TULP4: variants seen among roughly 807,000 people sequenced by gnomAD.
TULP4 encodes TUB like protein 4.
TULP4 carries 16 observed loss-of-function variants against 129.0 expected under a neutral mutation model. The observed-to-expected ratio is 0.12, with a 90% CI of 0.08 to 0.19. TULP4 has a LOEUF of 0.19. Among genes scored for constraint, TULP4 ranks in the 10% least tolerant of loss-of-function variants. TULP4 has a pLI of 1.00. For synonymous variants in TULP4, 998 were observed against 854.0 expected (o/e 1.17, Z -2.94); for missense variants, 1,842 against 2,059.1 (o/e 0.89, Z 2.04).
chr6:158,377,045 G>A lies in TULP4; in HGVS notation c.253-36020G>A, dbSNP rs556600107. 2.0e-5 allele frequency among the ~76,000 whole-genome samples: 3 copies of A among 152,354 alleles called. No individual in the cohort carries two copies. The South Asian group carries it at 6.2e-4, about 32-fold the overall frequency. ...GATGTCTTTCTCATTGATCTGGTAT[G>A]TGATATTACATAATATGGGATAGGT... On this transcript the variant is annotated intron_variant, in intron 1 of 13. Transcript: ENST00000367097.
At chr6:158,492,600 C>T (rs1780241862) in intron 9 of TULP4, among the ~76,000 whole-genome samples, 1 of 152,154 alleles carries the variant, frequency 6.6e-6, no homozygotes, top group Non-Finnish European at 1.5e-5. Context: ...TGCCGTCTTC[C>T]TGTGGCTGGA....
At chr6:158,277,944 A>C (rs549175053), upstream of TULP4, among the ~76,000 whole-genome samples, 76 of 152,264 alleles carry the variant, frequency 5.0e-4, no homozygotes, top group African/African-American at 1.8e-3. Flanking sequence ...AGAGAGCATC[A>C]TATCAACTCC....
At chr6:158,259,368 T>C (rs1209338959) in intron 1 of TULP4, among the ~76,000 whole-genome samples, 1 of 152,224 alleles carries the variant, frequency 6.6e-6, no homozygotes, top group East Asian at 1.9e-4. Flanking sequence ...CACTGACTTT[T>C]GAGGTTATGA....
At chr6:158,358,006 C>G (rs776177001) in intron 1 of TULP4, among the ~76,000 whole-genome samples, 4 of 152,156 alleles carry the variant, frequency 2.6e-5, no homozygotes, top group Non-Finnish European at 4.4e-5. Context: ...TGTGTCTGCC[C>G]TGACACATAG....
intron 6 of TULP4, 104 bp downstream of exon 6, chr6:158,461,833 G>C: frequency 7.6e-7 from 1 of 1,314,908 alleles, no homozygotes; most frequent in Non-Finnish European, 1.0e-6. Context: ...TTTTACCTTA[G>C]GTTGTGGTGG....
At chr6:158,292,616 A>G (rs1359300330) in intron 1 of TULP4, among the ~76,000 whole-genome samples, 2 of 152,136 alleles carry the variant, frequency 1.3e-5, no homozygotes, top group Non-Finnish European at 2.9e-5. Flanking sequence ...GTAGTCTTCT[A>G]CCATATAATT....
chr6:158,357,162 C>G (rs138173113), intron 1 of TULP4, among the ~76,000 whole-genome samples: 1 of 152,344 alleles, frequency 6.6e-6, no homozygotes, highest in African/African-American at 2.4e-5. Flanking sequence ...AGCACCCTCT[C>G]TGGATATGCT....
intron 1 of TULP4, among the ~76,000 whole-genome samples, chr6:158,368,668 A>G (rs1008916122): frequency 1.3e-5 from 2 of 152,216 alleles, no homozygotes; most frequent in African/African-American, 4.8e-5. Flanking sequence ...GTCTTAAAAG[A>G]GGAATGGATC....
At position 158,356,679 on chromosome 6, in the gene TULP4, T is replaced by C. The variant is rs560075981; in HGVS notation, c.252+42411T>C. On this transcript the variant is annotated intron_variant, in intron 1 of 13. Coordinates refer to ENST00000367097, the MANE Select transcript of TULP4 (RefSeq NM_020245.5). ...TCATCTTTTATACATTGAGGGGCTC[T>C]GGTAGAAAAAGCCAGATGGTAGATA... Among the ~76,000 whole-genome samples, 6 of 152,162 alleles carry C rather than the reference T, an allele frequency of 3.9e-5. No homozygotes were observed. The South Asian group carries it at 1.2e-3, about 32-fold the overall frequency.
intron 1 of TULP4, among the ~76,000 whole-genome samples, chr6:158,261,465 A>T (rs1778351190): frequency 6.6e-6 from 1 of 152,182 alleles, no homozygotes; most frequent in Admixed American, 6.5e-5. Flanking sequence ...CCCGCAGATA[A>T]CTTAGGTAAT....
intron 1 of TULP4, among the ~76,000 whole-genome samples, chr6:158,372,719 A>G (rs1004031201): frequency 2.6e-5 from 4 of 152,190 alleles, no homozygotes; most frequent in African/African-American, 9.6e-5. Context: ...CCCCATTGGC[A>G]ATCACCTTGA....
intron 1 of TULP4, among the ~76,000 whole-genome samples, chr6:158,331,105 G>A (rs571615927): frequency 5.3e-5 from 8 of 152,030 alleles, no homozygotes; most frequent in Admixed American, 2.0e-4. Flanking sequence ...TTTTCCCCCT[G>A]TATTTGATAA....
chr6:158,390,201 T>G (rs1777552476), intron 1 of TULP4, among the ~76,000 whole-genome samples: 1 of 152,222 alleles, frequency 6.6e-6, no homozygotes, highest in Non-Finnish European at 1.5e-5. Context: ...AGTTTGGTAT[T>G]CTCTATGAAC....
At chr6:158,381,693 T>C (rs1777329863) in intron 1 of TULP4, among the ~76,000 whole-genome samples, 1 of 152,254 alleles carries the variant, frequency 6.6e-6, no homozygotes, top group East Asian at 1.9e-4. Flanking sequence ...TTTTGCATTA[T>C]GAACTATAGA....
chr6:158,454,751 G>A (rs910321499), intron 5 of TULP4, among the ~76,000 whole-genome samples: 4 of 151,926 alleles, frequency 2.6e-5, no homozygotes, highest in Non-Finnish European at 5.9e-5. Context: ...GATTACAGGC[G>A]CATGCCACCA....
At chr6:158,487,922 A>G (rs1780109999) in intron 8 of TULP4, among the ~76,000 whole-genome samples, 1 of 152,242 alleles carries the variant, frequency 6.6e-6, no homozygotes, top group African/African-American at 2.4e-5. Context: ...AGGACAGATT[A>G]CTTTCCTTCC....
rs1397854225 is a variant in TULP4, at chr6:158,233,720, A to G, written n.68+1417A>G. 3.3e-5 allele frequency among the ~76,000 whole-genome samples: 5 copies of G among 152,266 alleles called. 1 individual carries two copies. In the South Asian group the frequency reaches 6.2e-4, roughly 19 times the overall value. On this transcript the variant is annotated intron_variant and non_coding_transcript_variant, in intron 1 of 1. Coordinates refer to the TULP4 transcript ENST00000620026. ...GAGAGTCACAAGTGTCCTGTCTTCT[A>G]GTGAAGTCCTTGATAGGTAACTGGC... is the stretch of plus-strand genomic sequence containing the variant.
At chr6:158,350,812 G>A (rs1310671067) in intron 1 of TULP4, among the ~76,000 whole-genome samples, 2 of 151,788 alleles carry the variant, frequency 1.3e-5, no homozygotes, top group East Asian at 1.9e-4. Context: ...CCAGGCTGGA[G>A]TGAAGTGGTG....
chr6:158,309,094 CGGTGTGGTTGCTGGGTGG>C (rs1779283659), upstream of TULP4, among the ~76,000 whole-genome samples: 1 of 85,406 alleles, frequency 1.2e-5, no homozygotes. Context: ...ACTTCCCAGA[CGGTGTGGTTGCTGGGTGG>C]AGGGGCTCCT....
Sources: gnomAD v4.1 joint callset for allele counts (sites outside exome capture counted in the v4.1 genomes callset) on GRCh38, gnomAD v4.1.1 for gene constraint, MANE v1.5 for transcripts, NCBI Gene and HGNC (gene_info 2026-07-23, HGNC 2026-07-21) for gene names.